PPP4R1: variants seen among roughly 807,000 people sequenced by gnomAD.
The protein encoded by PPP4R1 is serine/threonine-protein phosphatase 4 regulatory subunit 1.
Under a neutral mutation model 111.2 loss-of-function variants are expected in PPP4R1, and 42 were observed. That is an observed-to-expected ratio of 0.38 (90% CI 0.29 to 0.49). The LOEUF (loss-of-function observed/expected upper bound fraction) is 0.49. PPP4R1 is among the 20% of genes least tolerant of loss of function. The pLI is 0.97. For missense variants in PPP4R1, 1,012 were observed against 1,161.6 expected, an observed-to-expected ratio of 0.87 and a Z score of 1.87; for synonymous variants, 409 against 405.5, an observed-to-expected ratio of 1.01 and a Z score of -0.10.
intron 2 of PPP4R1, chr18:9,612,536 G>A (rs774273259): frequency 6.6e-6 from 1 of 152,198 alleles, no homozygotes; most frequent in Non-Finnish European, 1.5e-5. Context: ...GGGGGCTAAG[G>A]AAGAAACTGA....
chr18:9,556,635 T>C lies in PPP4R1; in HGVS notation c.2190+586A>G, dbSNP rs76499939. On this transcript the variant is annotated intron_variant, in intron 15 of 19. Transcript: ENST00000400556. ...TTTGTAAAAAATCAGGGCTATTCAC[T>C]TTGGAGACCACAGCTCCTCTATCAA... is the stretch of plus-strand genomic sequence containing the variant. 5.6e-3 allele frequency among the ~76,000 whole-genome samples: 849 copies of C among 152,332 alleles called. 15 individuals are homozygous for C. The highest frequency in any genetic ancestry group is 0.019 in the African/African-American group (777 of 41,590).
Position 9,585,680 on chromosome 18 carries a change from T to C in PPP4R1, c.586-852A>G, listed in dbSNP as rs1255618681. ...AAAGAAGCCACCAGAATAAGTATGT[T>C]TAGGAAGGTTGTAGGCTATAAATTA... On this transcript the variant is annotated intron_variant, in intron 6 of 19. Coordinates refer to ENST00000400556, the MANE Select transcript of PPP4R1 (RefSeq NM_001042388.3). Among the ~76,000 whole-genome samples the C allele has an allele frequency of 2.0e-5, 3 of 152,170 alleles. No homozygotes were observed. In the East Asian group the frequency reaches 5.8e-4, roughly 29 times the overall value.
At chr18:9,612,784 T>C (rs2067603971) in intron 2 of PPP4R1, 1 of 152,194 alleles carries the variant, frequency 6.6e-6, no homozygotes, top group Non-Finnish European at 1.5e-5. Flanking sequence ...AAACATTAAA[T>C]AAAATGTTAA....
At chr18:9,576,486 C>T (rs2066937564) in intron 10 of PPP4R1, among the ~76,000 whole-genome samples, 5 of 152,008 alleles carry the variant, frequency 3.3e-5, no homozygotes, top group Admixed American at 2.6e-4. Context: ...ACTCTTTAAG[C>T]TTTATTTAAA....
chr18:9,549,989 G>T, intron 18 of PPP4R1, 63 bp downstream of exon 18: 5 of 1,605,514 alleles, frequency 3.1e-6, no homozygotes, highest in Non-Finnish European at 4.3e-6. Flanking sequence ...GAGGTAGGAA[G>T]TTAAAGAAGA....
chr18:9,566,907 G>A (rs2066777273), intron 11 of PPP4R1, among the ~76,000 whole-genome samples: 1 of 152,066 alleles, frequency 6.6e-6, no homozygotes, highest in African/African-American at 2.4e-5. Context: ...CAATACACCT[G>A]GTCACCCAAG....
intron 2 of PPP4R1, among the ~76,000 whole-genome samples, chr18:9,604,564 T>C (rs1052858864): frequency 6.6e-6 from 1 of 152,050 alleles, no homozygotes; most frequent in African/African-American, 2.4e-5. Context: ...TCTGTTCCAT[T>C]TCTGTCCTCT....
chr18:9,588,928 T>C, intron 4 of PPP4R1, 75 bp from the exon 5 acceptor site: 2 of 1,527,396 alleles, frequency 1.3e-6, no homozygotes, highest in Admixed American at 2.1e-5. Context: ...TTGAGGGTAC[T>C]TAGGAAGGCT....
intron 8 of PPP4R1, among the ~76,000 whole-genome samples, chr18:9,583,603 G>A (rs2067067367): frequency 6.6e-6 from 1 of 152,058 alleles, no homozygotes; most frequent in South Asian, 2.1e-4. Context: ...CTGACCTCAG[G>A]TGATCCACCT....
At position 9,588,148 on chromosome 18, in the gene PPP4R1, C is replaced by G. The variant is rs1395477933; in HGVS notation, c.526G>C (p.Val176Leu). ...TCTGGGGCTGTCAGCTCTATGAGGACAGGGCACACTTTGGTCTCCACATCA... is the reference window on the plus strand; with the variant it reads ...TCTGGGGCTGTCAGCTCTATGAGGAGAGGGCACACTTTGGTCTCCACATCA... ...RFDVETKVCP[V>L]LIELTAPDSN... The change falls in exon 6 of 20, where the codon GTC becomes CTC. Residue 176 changes from valine (V) to leucine (L), a missense_variant. Around this residue, in one of 2 missense-constraint regions of PPP4R1, gnomAD observed 707 missense variants for 742.1 expected, o/e 0.95. Transcript: ENST00000400556. The G allele has an allele frequency of 1.2e-6, 2 of 1,614,176 alleles. No homozygotes were observed. The highest frequency in any genetic ancestry group is 1.3e-5 in the African/African-American group (1 of 75,066).
intron 2 of PPP4R1, among the ~76,000 whole-genome samples, chr18:9,603,939 G>T (rs2067435627): frequency 6.6e-6 from 1 of 152,158 alleles, no homozygotes; most frequent in Non-Finnish European, 1.5e-5. Context: ...TCAATTTAAA[G>T]AATTTATTCA....
chr18:9,564,928 T>C (rs1317783840), intron 11 of PPP4R1, among the ~76,000 whole-genome samples: 1 of 151,636 alleles, frequency 6.6e-6, no homozygotes, highest in Non-Finnish European at 1.5e-5. Context: ...ACTGAAGCAC[T>C]GAACCCCTGG....
rs1033201308 is a variant in PPP4R1 at position 9,550,455 on chromosome 18, T to C, written c.2292-57A>G. 4.0e-6 allele frequency: 6 copies of C among 1,515,164 alleles called. No individual in the cohort carries two copies. The Admixed American group carries it at 5.8e-5, about 15-fold the overall frequency. The allele number at this position is 1,515,164 out of a possible 1,614,324, so 93.9% of individuals were successfully genotyped here. A position where few individuals can be genotyped will look rare whatever the true frequency, so the allele number is the denominator to read the frequency against. On this transcript the variant is annotated intron_variant, in intron 16 of 19. Transcript: ENST00000400556. ...TAAAAATCAGCGAGACAAATGAAAA[T>C]AGGTTACCCATTTAAATCATCTGTA...
intron 11 of PPP4R1, among the ~76,000 whole-genome samples, chr18:9,567,906 A>G (rs2066795015): frequency 6.6e-6 from 1 of 152,230 alleles, no homozygotes; most frequent in South Asian, 2.1e-4. Flanking sequence ...ACCAGCAATG[A>G]GACTACAACT....
rs766143885 is a variant in PPP4R1 at position 9,588,837 on chromosome 18, C to T, written c.312G>A (p.Ala104=). The T allele has an allele frequency of 7.4e-6, 12 of 1,613,354 alleles. No individual in the cohort carries two copies. The highest frequency in any genetic ancestry group is 4.5e-5 in the East Asian group (2 of 44,882). ...TGTGAGGCACCTGTTCCATCAGCTC[C>T]GCTCTCACAGTTGGTTCTATTGAAA... ...LADDSEPTVR[A]ELMEQVPHIA... Residue 104 remains alanine (A), a synonymous_variant, in exon 5 of 20, where the codon GCG becomes GCA. Coordinates refer to ENST00000400556, the MANE Select transcript of PPP4R1 (RefSeq NM_001042388.3).
chr18:9,612,824 C>T (rs531919292), intron 2 of PPP4R1: 24 of 152,206 alleles, frequency 1.6e-4, no homozygotes, highest in Non-Finnish European at 1.8e-4. Flanking sequence ...AGTACTGCTC[C>T]CTTTAAGAGA....
intron 8 of PPP4R1, among the ~76,000 whole-genome samples, chr18:9,584,212 CT>C (rs1340111276): frequency 1.1e-4 from 16 of 152,102 alleles, no homozygotes; most frequent in African/African-American, 3.9e-4. Context: ...CATCAACATT[CT>C]TGAGGGTTGC....
At chr18:9,549,883 G>T in intron 18 of PPP4R1, 169 bp downstream of exon 18, 2 of 988,006 alleles carry the variant, frequency 2.0e-6, no homozygotes, top group Non-Finnish European at 2.9e-6. Context: ...GGGAGAGAGG[G>T]GCCACCAGAT....
In PPP4R1 at chr18:9,546,918, C is replaced by A. The variant is rs915448696; in HGVS notation, c.*871G>T. ...AGTGTATATATCTCTCTCTATAGAT[C>A]TTATTAATAAATTTTATTTGGACAA... On this transcript the variant is annotated 3_prime_UTR_variant, in exon 20 of 20. Transcript: ENST00000400556. 2.0e-5 allele frequency: 3 copies of A among 152,124 alleles called. No individual in the cohort carries two copies. Among genetic ancestry groups the A allele is most frequent in the African/African-American group, 7.2e-5 (3 of 41,408 alleles). 9.4% of individuals were successfully genotyped at this position (152,124 alleles called of 1,614,324 possible).
Sources: allele counts gnomAD v4.1 joint callset (sites outside exome capture counted in the v4.1 genomes callset), GRCh38; gene constraint gnomAD v4.1.1; regional missense constraint gnomAD v4.1.1; transcripts MANE v1.5; gene names NCBI Gene and HGNC (gene_info 2026-07-23, HGNC 2026-07-21).